GBP7: variants seen among roughly 807,000 people sequenced by gnomAD.
The protein encoded by GBP7 is guanylate-binding protein 7.
In GBP7, 43 loss-of-function variants were observed where a neutral mutation model predicts 61.3. The ratio of observed to expected loss-of-function variants is 0.70; its 90% CI spans 0.55 to 0.91. The LOEUF is 0.91. GBP7 is among the 40% of genes least tolerant of loss of function. GBP7 has a pLI of 0.00. For synonymous variants in GBP7, 267 were observed against 271.0 expected (o/e 0.99, Z 0.14); for missense variants, 717 against 740.5 (o/e 0.97, Z 0.37).
At chr1:89,153,217 T>C (rs1017631438) in intron 3 of GBP7, among the ~76,000 whole-genome samples, 1 of 152,242 alleles carries the variant, frequency 6.6e-6, no homozygotes, top group Non-Finnish European at 1.5e-5. Context: ...AGATAGGACT[T>C]AAGAGTCTCC....
intron 3 of GBP7, among the ~76,000 whole-genome samples, chr1:89,154,349 T>A (rs768955723): frequency 2.9e-4 from 44 of 152,350 alleles, no homozygotes; most frequent in Non-Finnish European, 3.8e-4. Context: ...CCAAAAATTC[T>A]ATTTTCTTTT....
intron 8 of GBP7, among the ~76,000 whole-genome samples, chr1:89,144,769 T>C (rs1682028228): frequency 6.6e-6 from 1 of 152,110 alleles, no homozygotes; most frequent in Non-Finnish European, 1.5e-5. Flanking sequence ...CCTACTCTCT[T>C]AGCAAATTTC....
chr1:89,171,611 G>A, intron 2 of GBP7, 135 bp downstream of exon 2: 1 of 668,708 alleles, frequency 1.5e-6, no homozygotes, highest in South Asian at 3.5e-5. Context: ...AATTTGAAGG[G>A]TTCACTGATG....
intron 9 of GBP7, among the ~76,000 whole-genome samples, chr1:89,136,252 C>T (rs2100635192): frequency 6.6e-6 from 1 of 152,224 alleles, no homozygotes; most frequent in Admixed American, 6.5e-5. Context: ...TTAGACAGAT[C>T]ATTGAGGCAA....
In GBP7 at chr1:89,141,326, A is replaced by G. The variant is rs114675739; in HGVS notation, c.1468+220T>C. 2.7e-3 allele frequency among the ~76,000 whole-genome samples: 411 copies of G among 152,296 alleles called. 1 individual carries two copies. The highest frequency in any genetic ancestry group is 4.3e-3 in the Non-Finnish European group (293 of 68,016). ...GAATTGAGAATCTCTGAATTCTGTCACTAGCCATGTCAGCAAGAGCATGTT... is the reference window on the plus strand; with the variant it reads ...GAATTGAGAATCTCTGAATTCTGTCGCTAGCCATGTCAGCAAGAGCATGTT... On this transcript the variant is annotated intron_variant, in intron 9 of 10. Coordinates refer to ENST00000294671, the MANE Select transcript of GBP7 (RefSeq NM_207398.3).
At chr1:89,159,728 A>T (rs1682392890) in intron 3 of GBP7, among the ~76,000 whole-genome samples, 9 of 152,304 alleles carry the variant, frequency 5.9e-5, no homozygotes, top group Middle Eastern at 3.4e-3. Context: ...GCTGGAGAGG[A>T]TGTGGAGAAA....
Position 89,173,091 on chromosome 1 carries a change from G to A in GBP7, c.-19-1137C>T, listed in dbSNP as rs61798771. ...TACATGCTTCCATCATATTTTCAGCGCTTCTTTCCTTTTTGGCTCCACAAC... is the reference window on the plus strand; with the variant it reads ...TACATGCTTCCATCATATTTTCAGCACTTCTTTCCTTTTTGGCTCCACAAC... On this transcript the variant is annotated intron_variant, in intron 1 of 10. Coordinates refer to ENST00000294671, the MANE Select transcript of GBP7 (RefSeq NM_207398.3). Among the ~76,000 whole-genome samples the A allele has an allele frequency of 9.9e-3, 1,503 of 151,650 alleles. 8 individuals are homozygous for A. Among genetic ancestry groups the A allele is most frequent in the Non-Finnish European group, 0.016 (1,106 of 67,894 alleles).
At chr1:89,154,618 A>T (rs1682272378) in intron 3 of GBP7, among the ~76,000 whole-genome samples, 1 of 150,508 alleles carries the variant, frequency 6.6e-6, no homozygotes, top group Non-Finnish European at 1.5e-5. Context: ...GAGTGCTGGA[A>T]TTACAGGTGT....
intron 1 of GBP7, 61 bp from the exon 2 acceptor site, chr1:89,172,015 A>G (rs935201530): frequency 9.0e-7 from 1 of 1,108,702 alleles, no homozygotes; most frequent in Non-Finnish European, 1.3e-6. Flanking sequence ...TGAAATCTAT[A>G]ATAGGGCATA....
intron 2 of GBP7, 31 bp downstream of exon 2, chr1:89,171,715 G>C (rs557877128): frequency 6.3e-7 from 1 of 1,596,500 alleles, no homozygotes; most frequent in Admixed American, 1.7e-5. Flanking sequence ...GGACAGATGG[G>C]GCTCATCCAT....
At chr1:89,138,891 A>G (rs910399547) in intron 9 of GBP7, among the ~76,000 whole-genome samples, 6 of 152,136 alleles carry the variant, frequency 3.9e-5, no homozygotes, top group Non-Finnish European at 8.8e-5. Flanking sequence ...GAGTAAACAG[A>G]CAACCTACAG....
intron 8 of GBP7, among the ~76,000 whole-genome samples, chr1:89,145,374 G>A (rs1682041440): frequency 1.3e-5 from 2 of 152,030 alleles, no homozygotes; most frequent in Non-Finnish European, 2.9e-5. Flanking sequence ...GCCAGTGGTA[G>A]GATTTCTTTC....
At chr1:89,156,543 C>T (rs192467380) in intron 3 of GBP7, among the ~76,000 whole-genome samples, 85 of 152,130 alleles carry the variant, frequency 5.6e-4, no homozygotes, top group African/African-American at 1.8e-3. Context: ...ACAAAAAAAG[C>T]GGGGGTTGCA....
At chr1:89,138,415 A>G (rs1681859940) in intron 9 of GBP7, among the ~76,000 whole-genome samples, 1 of 152,194 alleles carries the variant, frequency 6.6e-6, no homozygotes, top group Non-Finnish European at 1.5e-5. Flanking sequence ...AGTTTAAACT[A>G]TATTACAAGA....
intron 7 of GBP7, among the ~76,000 whole-genome samples, chr1:89,148,406 A>G (rs1450045736): frequency 1.3e-5 from 2 of 152,238 alleles, no homozygotes; most frequent in East Asian, 1.9e-4. Context: ...CACACTATCC[A>G]TAGTCCCTGG....
intron 5 of GBP7, among the ~76,000 whole-genome samples, chr1:89,150,865 G>A (rs926714153): frequency 3.3e-5 from 5 of 152,094 alleles, no homozygotes; most frequent in South Asian, 2.1e-4. Flanking sequence ...ATGATGTCCC[G>A]TAGACTGACG....
At chr1:89,164,107 T>C (rs1186524942) in intron 3 of GBP7, among the ~76,000 whole-genome samples, 1 of 152,214 alleles carries the variant, frequency 6.6e-6, no homozygotes, top group Non-Finnish European at 1.5e-5. Flanking sequence ...TGACCTCAGA[T>C]GGTCCACCCG....
intron 7 of GBP7, 56 bp downstream of exon 7, chr1:89,149,236 A>G: frequency 4.1e-6 from 6 of 1,462,892 alleles, no homozygotes; most frequent in East Asian, 2.3e-5. Flanking sequence ...AAGGTGGACT[A>G]TAAGTATCAT....
At chr1:89,151,147 C>T (rs1311595795) in intron 5 of GBP7, among the ~76,000 whole-genome samples, 1 of 151,994 alleles carries the variant, frequency 6.6e-6, no homozygotes, top group Non-Finnish European at 1.5e-5. Flanking sequence ...ATATTAGAGC[C>T]CTAGACTTTC....
Sources: gnomAD v4.1 joint callset for allele counts (sites outside exome capture counted in the v4.1 genomes callset) on GRCh38, gnomAD v4.1.1 for gene constraint, MANE v1.5 for transcripts, NCBI Gene and HGNC (gene_info 2026-07-23, HGNC 2026-07-21) for gene names.